The following PPP1R17 variants were observed in gnomAD, a reference collection of about 807,000 sequenced individuals.
The protein encoded by PPP1R17 is protein phosphatase 1 regulatory subunit 17, also known as G-substrate.
In PPP1R17, 12 loss-of-function variants were observed where a neutral mutation model predicts 15.9. The observed-to-expected ratio is 0.75, with a 90% CI of 0.48 to 1.22. The LOEUF is 1.22. Among genes scored for constraint, PPP1R17 ranks in the 50% most tolerant of loss-of-function variants. The pLI is 0.00. For synonymous variants in PPP1R17, 63 were observed against 64.5 expected, an observed-to-expected ratio of 0.98 and a Z score of 0.11; for missense variants, 211 against 187.3, an observed-to-expected ratio of 1.13 and a Z score of -0.74.
intron 1 of PPP1R17, among the ~76,000 whole-genome samples, chr7:31,687,603 G>A (rs937926728): frequency 3.3e-5 from 5 of 152,172 alleles, no homozygotes; most frequent in Admixed American, 6.5e-5. Flanking sequence ...TTCCAAGGCT[G>A]GGGAAAGTAC....
rs760176260 is a variant in PPP1R17 at position 31,702,594 on chromosome 7, C to T, written c.389-4610C>T. Among the ~76,000 whole-genome samples the T allele has an allele frequency of 2.0e-5, 3 of 152,184 alleles. No homozygotes were observed. The East Asian group carries it at 5.8e-4, about 29-fold the overall frequency. ...CTAACTCTGTATTAGTCACAGCATGCAAATACCCAAAACTTTGTCATCTCT... is the reference window on the plus strand; with the variant it reads ...CTAACTCTGTATTAGTCACAGCATGTAAATACCCAAAACTTTGTCATCTCT... On this transcript the variant is annotated intron_variant, in intron 4 of 4. Coordinates refer to ENST00000342032, the MANE Select transcript of PPP1R17 (RefSeq NM_006658.5).
At chr7:31,697,834 CTAAT>C (rs979076896) in intron 4 of PPP1R17, among the ~76,000 whole-genome samples, 3 of 152,076 alleles carry the variant, frequency 2.0e-5, no homozygotes, top group Non-Finnish European at 2.9e-5. Flanking sequence ...AATTAACTGA[CTAAT>C]ATAATAGAGA....
chr7:31,693,774 A>C (rs957265910), intron 2 of PPP1R17, among the ~76,000 whole-genome samples: 1 of 152,254 alleles, frequency 6.6e-6, no homozygotes, highest in African/African-American at 2.4e-5. Context: ...AATAGTTTTT[A>C]GTAAGAAAGA....
rs911338604 is a variant in PPP1R17, at chr7:31,707,507, T to C, written c.*224T>C. ...TTCTGTGTTTTGAATTTTTATTTTC[T>C]AATGCAGTGGAAAAGAAACAGATCA... On this transcript the variant is annotated 3_prime_UTR_variant, in exon 5 of 5. Coordinates refer to ENST00000342032, the MANE Select transcript of PPP1R17 (RefSeq NM_006658.5). The C allele has an allele frequency of 1.0e-5, 5 of 501,250 alleles. No homozygotes were observed. Among genetic ancestry groups the C allele is most frequent in the East Asian group, 6.6e-5 (2 of 30,080 alleles). 31.1% of individuals were successfully genotyped at this position (501,250 alleles called of 1,614,324 possible).
At chr7:31,700,867 T>C (rs149753336) in intron 4 of PPP1R17, among the ~76,000 whole-genome samples, 1 of 152,312 alleles carries the variant, frequency 6.6e-6, no homozygotes, top group African/African-American at 2.4e-5. Flanking sequence ...CATAATTTAC[T>C]GAATAATTTA....
chr7:31,692,577 C>T (rs1224109812), intron 2 of PPP1R17, 54 bp downstream of exon 2: 3 of 1,515,136 alleles, frequency 2.0e-6, no homozygotes, highest in East Asian at 2.3e-5. Context: ...GAAGAGGCGT[C>T]TCAGCCATTT....
chr7:31,699,215 C>A (rs1792741404), intron 4 of PPP1R17, among the ~76,000 whole-genome samples: 1 of 152,156 alleles, frequency 6.6e-6, no homozygotes, highest in Admixed American at 6.5e-5. Context: ...TGGGCAGGAT[C>A]TGTTGGCCCT....
chr7:31,692,659 A>G, intron 2 of PPP1R17, 136 bp downstream of exon 2: 2 of 733,600 alleles, frequency 2.7e-6, no homozygotes, highest in Admixed American at 2.6e-5. Flanking sequence ...GACAGCCAAC[A>G]CCAGATGGGC....
At chr7:31,707,084 A>G (rs971815251) in intron 4 of PPP1R17, 120 bp from the exon 5 acceptor site, 227 of 829,140 alleles carry the variant, frequency 2.7e-4, no homozygotes, top group Non-Finnish European at 9.7e-5. Context: ...TTAGCAGGTA[A>G]CCTTGTAGAC....
intron 4 of PPP1R17, among the ~76,000 whole-genome samples, chr7:31,704,445 C>T (rs532035865): frequency 1.3e-4 from 20 of 152,174 alleles, no homozygotes; most frequent in Non-Finnish European, 2.5e-4. Flanking sequence ...TACAAGCAGC[C>T]AAGTTCCCTA....
chr7:31,698,145 G>A (rs568961984), intron 4 of PPP1R17, among the ~76,000 whole-genome samples: 1 of 152,254 alleles, frequency 6.6e-6, no homozygotes, highest in South Asian at 2.1e-4. Flanking sequence ...AACACTCTGG[G>A]GAGAAGATAA....
chr7:31,690,816 A>C (rs1792312473), intron 1 of PPP1R17, among the ~76,000 whole-genome samples: 1 of 152,200 alleles, frequency 6.6e-6, no homozygotes, highest in Admixed American at 6.5e-5. Context: ...GTGTTTTACT[A>C]ATGGTATGTC....
chr7:31,692,802 T>A (rs1432127632), intron 2 of PPP1R17, among the ~76,000 whole-genome samples: 1 of 151,988 alleles, frequency 6.6e-6, no homozygotes, highest in Non-Finnish European at 1.5e-5. Context: ...TCTGACAGAG[T>A]CCCAGGCAGA....
intron 1 of PPP1R17, 46 bp from the exon 2 acceptor site, chr7:31,692,360 G>T: frequency 1.8e-6 from 2 of 1,116,380 alleles, no homozygotes; most frequent in South Asian, 1.4e-5. Flanking sequence ...TTGAATGAAT[G>T]AATAAACAGA....
At chr7:31,703,629 C>T (rs1198142302) in intron 4 of PPP1R17, among the ~76,000 whole-genome samples, 2 of 152,170 alleles carry the variant, frequency 1.3e-5, no homozygotes, top group Non-Finnish European at 2.9e-5. Context: ...TGGCAGTAAT[C>T]AAAATGGTAG....
chr7:31,688,463 C>G (rs1033763275), intron 1 of PPP1R17, among the ~76,000 whole-genome samples: 3 of 152,234 alleles, frequency 2.0e-5, no homozygotes, highest in African/African-American at 7.2e-5. Context: ...AGCTTCTGAC[C>G]ACACACTGAA....
chr7:31,696,889 T>TA, intron 3 of PPP1R17, 76 bp from the exon 4 acceptor site: 1 of 1,489,732 alleles, frequency 6.7e-7, no homozygotes, highest in East Asian at 2.3e-5. Flanking sequence ...CAGATGTCTA[T>TA]AAATATGCAC....
Position 31,707,264 on chromosome 7 carries a change from G to C in PPP1R17, c.449G>C (p.Gly150Ala). The C allele has an allele frequency of 1.2e-6, 2 of 1,613,930 alleles. No individual in the cohort carries two copies. The highest frequency in any genetic ancestry group is 1.7e-6 in the Non-Finnish European group (2 of 1,179,866). ...KAIVEDDEKD[G>A]DKIAI ...ATCGTGGAAGATGACGAAAAGGATG[G>C]TGACAAGATAGCTATTTAAAGATAG... The change falls in exon 5 of 5, where the codon GGT becomes GCT. Residue 150 changes from glycine to alanine, a missense_variant. Physicochemically the swap from Gly to Ala is moderately conservative, Grantham distance 60 (BLOSUM62 0). Transcript: ENST00000342032.
chr7:31,705,399 C>T (rs371339024), intron 4 of PPP1R17, among the ~76,000 whole-genome samples: 7 of 152,302 alleles, frequency 4.6e-5, no homozygotes, highest in East Asian at 1.9e-4. Context: ...ACTCTATGTT[C>T]TCCTGCCATG....
Sources: allele counts gnomAD v4.1 joint callset (sites outside exome capture counted in the v4.1 genomes callset), GRCh38; gene constraint gnomAD v4.1.1; transcripts MANE v1.5; gene names NCBI Gene and HGNC (gene_info 2026-07-23, HGNC 2026-07-21).